The following IL1RAPL1 variants were observed in gnomAD, a reference collection of about 807,000 sequenced individuals.
IL1RAPL1 encodes the protein interleukin 1 receptor accessory protein like 1.
In IL1RAPL1, 3 loss-of-function variants were observed where a neutral mutation model predicts 48.4. The ratio of observed to expected loss-of-function variants is 0.06; its 90% CI spans 0.03 to 0.16. The LOEUF is 0.16. Ranked by LOEUF, IL1RAPL1 falls within the 10% of genes least tolerant of loss-of-function variation. IL1RAPL1 has a pLI of 1.00. For synonymous variants in IL1RAPL1, 185 were observed against 187.7 expected (o/e 0.99, Z 0.12); for missense variants, 349 against 530.6 (o/e 0.66, Z 3.36).
intron 1 of IL1RAPL1, among the ~76,000 whole-genome samples, chrX:28,701,841 G>A (rs1935302160): frequency 9.0e-6 from 1 of 111,075 alleles, no homozygotes; most frequent in Admixed American, 9.6e-5. Flanking sequence ...TTTAAATGAG[G>A]TTAGAAAGGG....
At chrX:28,596,830 G>T (rs761012934) in intron 1 of IL1RAPL1, among the ~76,000 whole-genome samples, 1 of 110,594 alleles carries the variant, frequency 9.0e-6, no homozygotes, top group African/African-American at 3.3e-5. Context: ...TGGTTGCTTG[G>T]ATCCACAGAT....
intron 2 of IL1RAPL1, among the ~76,000 whole-genome samples, chrX:29,090,184 A>C (rs898384703): frequency 5.4e-5 from 6 of 111,250 alleles, no homozygotes; most frequent in Non-Finnish European, 9.4e-5. Context: ...CCTATTTATC[A>C]GTAAAATAGA....
chrX:29,804,989 A>G (rs1190767891), intron 6 of IL1RAPL1, among the ~76,000 whole-genome samples: 1 of 112,461 alleles, frequency 8.9e-6, no homozygotes, highest in African/African-American at 3.2e-5. Flanking sequence ...CACATTAATC[A>G]TGATGAAAAA....
At chrX:28,775,821 A>G (rs1936357859) in intron 1 of IL1RAPL1, among the ~76,000 whole-genome samples, 2 of 111,531 alleles carry the variant, frequency 1.8e-5, no homozygotes, top group South Asian at 7.5e-4. Flanking sequence ...GCCTTTCCAT[A>G]TGTTTTATAT....
In IL1RAPL1 at chrX:29,898,057, T is replaced by C. The variant is rs748618758; in HGVS notation, c.779-19407T>C. Reference sequence around the variant, plus strand: ...ATAAAAAAGATAACAAAGAAGTAACTGAGATATGTCACAAGTTCTTTAAAG... The same window carrying C: ...ATAAAAAAGATAACAAAGAAGTAACCGAGATATGTCACAAGTTCTTTAAAG... On this transcript the variant is annotated intron_variant, in intron 6 of 10. Coordinates refer to ENST00000378993, the MANE Select transcript of IL1RAPL1 (RefSeq NM_014271.4). 3.4e-3 allele frequency among the ~76,000 whole-genome samples: 384 copies of C among 111,716 alleles called. 2 individuals carry two copies. Among genetic ancestry groups the C allele is most frequent in the Non-Finnish European group, 5.3e-3 (284 of 53,093 alleles).
chrX:28,836,677 G>C (rs1298606418), intron 2 of IL1RAPL1, among the ~76,000 whole-genome samples: 1 of 109,972 alleles, frequency 9.1e-6, no homozygotes, highest in African/African-American at 3.3e-5. Flanking sequence ...CACGATCTAC[G>C]AGAAGGAAAC....
chrX:29,259,713 G>A (rs1334016798), intron 2 of IL1RAPL1, among the ~76,000 whole-genome samples: 2 of 111,674 alleles, frequency 1.8e-5, no homozygotes, highest in Non-Finnish European at 3.8e-5. Context: ...ATTTAAGGTT[G>A]CCTACATTAC....
chrX:29,885,079 A>G, intron 6 of IL1RAPL1, among the ~76,000 whole-genome samples: 1 of 111,147 alleles, frequency 9.0e-6, no homozygotes, highest in African/African-American at 3.3e-5. Context: ...TGACTTTCTT[A>G]TGCCACAACA....
At chrX:28,879,709 A>T (rs1922459521) in intron 2 of IL1RAPL1, among the ~76,000 whole-genome samples, 1 of 112,106 alleles carries the variant, frequency 8.9e-6, no homozygotes, top group Admixed American at 9.5e-5. Flanking sequence ...ATTATTCCCA[A>T]GTTTCAGTCA....
intron 2 of IL1RAPL1, among the ~76,000 whole-genome samples, chrX:28,969,922 T>G (rs1036711537): frequency 1.8e-5 from 2 of 109,721 alleles, no homozygotes; most frequent in African/African-American, 6.5e-5. Context: ...TATATGTTTC[T>G]AAACACATAT....
At chrX:29,545,180 TA>T (rs1323102743) in intron 5 of IL1RAPL1, among the ~76,000 whole-genome samples, 41 of 4,367 alleles carry the variant, frequency 9.4e-3, no homozygotes, top group Non-Finnish European at 0.014. Context: ...AAACTAATCC[TA>T]TCTATCTATC....
chrX:29,577,463 T>C (rs1049414783), intron 5 of IL1RAPL1, among the ~76,000 whole-genome samples: 2 of 111,461 alleles, frequency 1.8e-5, no homozygotes, highest in African/African-American at 3.3e-5. Flanking sequence ...TGCCCCAAAC[T>C]CCCGTGATCC....
chrX:28,938,576 A>T (rs1157818491), intron 2 of IL1RAPL1, among the ~76,000 whole-genome samples: 1 of 111,681 alleles, frequency 9.0e-6, no homozygotes, highest in Admixed American at 9.6e-5. Context: ...ACCTTGGAAA[A>T]TAACCCAGGC....
At chrX:29,119,622 G>C (rs1928742495) in intron 2 of IL1RAPL1, among the ~76,000 whole-genome samples, 2 of 111,526 alleles carry the variant, frequency 1.8e-5, no homozygotes, top group Non-Finnish European at 3.8e-5. Flanking sequence ...ACTAGTTCCA[G>C]GGTACAAAAA....
intron 3 of IL1RAPL1, among the ~76,000 whole-genome samples, chrX:29,326,129 C>T (rs1156549929): frequency 8.9e-6 from 1 of 112,322 alleles, no homozygotes. Flanking sequence ...CAAAGCTGTT[C>T]TTTCTATTTT....
At chrX:29,223,631 G>A (rs1415990239) in intron 2 of IL1RAPL1, among the ~76,000 whole-genome samples, 1 of 106,228 alleles carries the variant, frequency 9.4e-6, no homozygotes, top group Non-Finnish European at 1.9e-5. Flanking sequence ...TGCAACTTCC[G>A]CCTCCCCGGT....
At chrX:29,424,161 T>C (rs887679748) in intron 5 of IL1RAPL1, among the ~76,000 whole-genome samples, 7 of 111,486 alleles carry the variant, frequency 6.3e-5, no homozygotes, top group Non-Finnish European at 5.6e-5. Context: ...GAGTGAAATC[T>C]GGACTGGGAA....
At chrX:28,945,807 T>C (rs779512425) in intron 2 of IL1RAPL1, among the ~76,000 whole-genome samples, 1 of 109,277 alleles carries the variant, frequency 9.2e-6, no homozygotes, top group South Asian at 4.0e-4. Flanking sequence ...GTTAGTTGTT[T>C]AATGAGGGTA....
At chrX:29,503,525 T>C (rs745701923) in intron 5 of IL1RAPL1, among the ~76,000 whole-genome samples, 2 of 112,534 alleles carry the variant, frequency 1.8e-5, no homozygotes, top group African/African-American at 6.4e-5. Flanking sequence ...TTTTGCTGTG[T>C]CGCATAGATT....
Sources: gnomAD v4.1 joint callset for allele counts (sites outside exome capture counted in the v4.1 genomes callset) on GRCh38, gnomAD v4.1.1 for gene constraint, MANE v1.5 for transcripts, NCBI Gene and HGNC (gene_info 2026-07-23, HGNC 2026-07-21) for gene names.